DPP6: variants seen among roughly 807,000 people sequenced by gnomAD.
DPP6 encodes A-type potassium channel modulatory protein DPP6.
In DPP6, 69 loss-of-function variants were observed where a neutral mutation model predicts 122.6. That is an observed-to-expected ratio of 0.56 (90% confidence interval 0.46 to 0.69). The LOEUF is 0.69. Among genes scored for constraint, DPP6 ranks in the 30% least tolerant of loss-of-function variants. The pLI, the probability that DPP6 is intolerant of heterozygous loss-of-function variation, is 0.00. For synonymous variants in DPP6, 418 were observed against 433.1 expected (o/e 0.97, Z 0.43); for missense variants, 928 against 1,116.9 (o/e 0.83, Z 2.41).
chr7:154,235,747 C>T (rs1801174871), intron 1 of DPP6, among the ~76,000 whole-genome samples: 2 of 152,200 alleles, frequency 1.3e-5, no homozygotes, highest in African/African-American at 4.8e-5. Context: ...AAAGTGTGAG[C>T]TTTGAATTTA....
At chr7:154,421,828 G>A (rs1817496606) in intron 1 of DPP6, among the ~76,000 whole-genome samples, 1 of 152,188 alleles carries the variant, frequency 6.6e-6, no homozygotes, top group South Asian at 2.1e-4. Flanking sequence ...TTAAACACTG[G>A]CATGTGCCTG....
At chr7:154,240,815 A>G (rs1006048621) in intron 1 of DPP6, among the ~76,000 whole-genome samples, 1 of 152,168 alleles carries the variant, frequency 6.6e-6, no homozygotes, top group Non-Finnish European at 1.5e-5. Context: ...AATATCAACA[A>G]TGACAGTTTC....
the DPP6 span, among the ~76,000 whole-genome samples, chr7:153,843,271 T>TGCGC: frequency 3.4e-5 from 5 of 148,316 alleles, no homozygotes; most frequent in African/African-American, 1.2e-4. Flanking sequence ...CACACACGCA[T>TGCGC]GCGCGCGCGC....
intron 5 of DPP6, among the ~76,000 whole-genome samples, chr7:154,619,126 G>A (rs1420740825): frequency 6.6e-6 from 1 of 152,138 alleles, no homozygotes; most frequent in African/African-American, 2.4e-5. Context: ...CCAGCCATGT[G>A]GAACTGTGAC....
intron 10 of DPP6, among the ~76,000 whole-genome samples, chr7:154,780,039 T>A (rs957992726): frequency 1.3e-5 from 2 of 152,182 alleles, no homozygotes; most frequent in Non-Finnish European, 1.5e-5. Context: ...ACCTAAATAC[T>A]CAAATGGATT....
intron 1 of DPP6, among the ~76,000 whole-genome samples, chr7:154,214,209 A>C (rs1321646784): frequency 6.6e-6 from 1 of 152,248 alleles, no homozygotes; most frequent in African/African-American, 2.4e-5. Flanking sequence ...TGGGGATTTC[A>C]AGACCAAAGG....
At chr7:153,822,126 T>A in the DPP6 span, among the ~76,000 whole-genome samples, 1 of 149,784 alleles carries the variant, frequency 6.7e-6, no homozygotes, top group African/African-American at 2.5e-5. Flanking sequence ...TTTTTTCCAC[T>A]CAGTTATTTC....
At chr7:153,848,231 A>G in the DPP6 span, among the ~76,000 whole-genome samples, 1 of 151,632 alleles carries the variant, frequency 6.6e-6, no homozygotes, top group Non-Finnish European at 1.5e-5. Flanking sequence ...GGTAATTAAC[A>G]TGGTCGCCCC....
At chr7:154,520,905 T>C (rs894392489) in intron 3 of DPP6, among the ~76,000 whole-genome samples, 7 of 152,178 alleles carry the variant, frequency 4.6e-5, no homozygotes, top group Non-Finnish European at 8.8e-5. Flanking sequence ...TAATGCCTAA[T>C]ATAAGTAGCA....
intron 1 of DPP6, among the ~76,000 whole-genome samples, chr7:154,385,024 G>T (rs1459620530): frequency 3.9e-5 from 6 of 152,106 alleles, no homozygotes; most frequent in Non-Finnish European, 8.8e-5. Context: ...GCCCAGGAGT[G>T]CAGTGGTGCG....
chr7:154,668,501 G>A (rs1378616151), intron 6 of DPP6, among the ~76,000 whole-genome samples: 1 of 151,804 alleles, frequency 6.6e-6, no homozygotes, highest in Non-Finnish European at 1.5e-5. Context: ...TTACAAGCGT[G>A]AGCCACCGCG....
chr7:154,757,044 AC>A (rs1242882154), intron 8 of DPP6, among the ~76,000 whole-genome samples: 1 of 150,280 alleles, frequency 6.7e-6, no homozygotes, highest in Non-Finnish European at 1.5e-5. Context: ...CCCCTGAGGA[AC>A]AGGCCAGCCT....
At chr7:154,494,502 T>C (rs1385701518) in intron 3 of DPP6, among the ~76,000 whole-genome samples, 1 of 151,480 alleles carries the variant, frequency 6.6e-6, no homozygotes, top group African/African-American at 2.4e-5. Context: ...ACACAAATGA[T>C]CTCAGCATCC....
intron 4 of DPP6, among the ~76,000 whole-genome samples, chr7:154,550,045 GTAT>G (rs1376877317): frequency 1.3e-5 from 2 of 152,040 alleles, no homozygotes; most frequent in Admixed American, 6.6e-5. Flanking sequence ...TAAAGAATGA[GTAT>G]TATTTAAATT....
At chr7:153,770,432 G>A in the DPP6 span, among the ~76,000 whole-genome samples, 2 of 152,078 alleles carry the variant, frequency 1.3e-5, no homozygotes, top group African/African-American at 2.4e-5. Context: ...TGATAAATCT[G>A]AGGCCAGTGG....
chr7:154,195,000 C>T (rs1002415058), intron 1 of DPP6, among the ~76,000 whole-genome samples: 3 of 152,132 alleles, frequency 2.0e-5, no homozygotes, highest in Non-Finnish European at 4.4e-5. Flanking sequence ...TGATGACGTC[C>T]AGTTTGCCAG....
At chr7:154,837,568 G>A (rs1382186720) in intron 16 of DPP6, among the ~76,000 whole-genome samples, 2 of 152,096 alleles carry the variant, frequency 1.3e-5, no homozygotes, top group Non-Finnish European at 2.9e-5. Context: ...GTACCAGCAT[G>A]GGAGTATTTT....
At chr7:154,678,998 G>A (rs1163610360) in intron 7 of DPP6, among the ~76,000 whole-genome samples, 1 of 121,628 alleles carries the variant, frequency 8.2e-6, no homozygotes, top group Non-Finnish European at 1.7e-5. Flanking sequence ...TTAATCGTCT[G>A]AGAATGAGAA....
At chr7:154,640,875 T>C (rs754095852) in intron 6 of DPP6, among the ~76,000 whole-genome samples, 8 of 152,228 alleles carry the variant, frequency 5.3e-5, no homozygotes, top group Non-Finnish European at 8.8e-5. Context: ...CTAATTCTCA[T>C]CTTTCCTTTC....
Sources: allele counts gnomAD v4.1 joint callset (sites outside exome capture counted in the v4.1 genomes callset), GRCh38; gene constraint gnomAD v4.1.1; transcripts MANE v1.5; gene names NCBI Gene and HGNC (gene_info 2026-07-23, HGNC 2026-07-21).